Variants in RBFOX3 observed in about 807,000 individuals in gnomAD.
RBFOX3 encodes the protein RNA binding fox-1 homolog 3.
Under a neutral mutation model 48.7 loss-of-function variants are expected in RBFOX3, and 17 were observed. The observed-to-expected ratio is 0.35, with a 90% CI of 0.24 to 0.52. The LOEUF is 0.52. RBFOX3 is among the 20% of genes least tolerant of loss of function. The probability of loss-of-function intolerance (pLI) is 0.94; values close to 1 mark genes in which losing one functional copy is unlikely to be tolerated. For missense variants in RBFOX3, 382 were observed against 497.5 expected (o/e 0.77, Z 2.21); for synonymous variants, 212 against 209.5 (o/e 1.01, Z -0.10).
At position 79,362,043 on chromosome 17, in the gene RBFOX3, C is replaced by G. The variant is rs970111521; in HGVS notation, c.-174-54219G>C. 6.6e-6 allele frequency among the ~76,000 whole-genome samples: 1 copy of G among 152,178 alleles called. No homozygotes were observed. The highest frequency in any genetic ancestry group is 2.4e-5 in the African/African-American group (1 of 41,430). On this transcript the variant is annotated intron_variant, in intron 2 of 14. Coordinates refer to ENST00000693108, the MANE Select transcript of RBFOX3 (RefSeq NM_001350451.2). The surrounding 1 kb of genome is among the most constrained non-coding windows in gnomAD (Gnocchi z 4.2). ...GCTGCCTTGGACGAATGTTCCCTGCCTGCTGCGTATTTACTCAGTCATCAA... is the reference window on the plus strand; with the variant it reads ...GCTGCCTTGGACGAATGTTCCCTGCGTGCTGCGTATTTACTCAGTCATCAA...
At chr17:79,228,241 CCT>C (rs2060563427) in intron 4 of RBFOX3, among the ~76,000 whole-genome samples, 1 of 152,214 alleles carries the variant, frequency 6.6e-6, no homozygotes, top group East Asian at 1.9e-4. Flanking sequence ...CCGGCCTGTG[CCT>C]TGGCAAAGCT....
intron 1 of RBFOX3, among the ~76,000 whole-genome samples, chr17:79,588,594 C>T (rs2145014792): frequency 6.6e-6 from 1 of 152,330 alleles, no homozygotes; most frequent in African/African-American, 2.4e-5. Context: ...GTTTGCTTCC[C>T]TAAAAATGAA....
chr17:79,426,825 C>A (rs1555725809), intron 2 of RBFOX3, among the ~76,000 whole-genome samples: 3 of 152,304 alleles, frequency 2.0e-5, no homozygotes, highest in African/African-American at 4.8e-5. Context: ...CTGCCTCAGC[C>A]TCCCAAGTAG....
intron 1 of RBFOX3, among the ~76,000 whole-genome samples, chr17:79,590,990 A>T (rs2093399577): frequency 6.6e-6 from 1 of 152,164 alleles, no homozygotes; most frequent in Non-Finnish European, 1.5e-5. Flanking sequence ...GCACAAAAGA[A>T]GCCTGTGAGC....
intron 3 of RBFOX3, among the ~76,000 whole-genome samples, chr17:79,292,612 A>ACACACACACACACG (rs1567988425): frequency 0.015 from 1,051 of 68,770 alleles, 16 homozygotes; most frequent in African/African-American, 0.056. Context: ...ACACACACAC[A>ACACACACACACACG]CACATACATG....
intron 4 of RBFOX3, among the ~76,000 whole-genome samples, chr17:79,183,108 C>T (rs1021535119): frequency 2.0e-5 from 3 of 147,842 alleles, no homozygotes; most frequent in African/African-American, 7.3e-5. Flanking sequence ...GGGCGCAGTT[C>T]CCCCTACCCC....
At chr17:79,241,099 C>T (rs773332172) in intron 3 of RBFOX3, among the ~76,000 whole-genome samples, 5 of 152,192 alleles carry the variant, frequency 3.3e-5, no homozygotes, top group Non-Finnish European at 5.9e-5. Context: ...CCTTAGCCTC[C>T]CAAGTAGCTG....
rs543942974 is a variant in RBFOX3, at chr17:79,254,003, C to T, written c.-73-18198G>A. 6.6e-6 allele frequency among the ~76,000 whole-genome samples: 1 copy of T among 152,310 alleles called. No homozygotes were observed. Among genetic ancestry groups the T allele is most frequent in the East Asian group, 1.9e-4 (1 of 5,180 alleles). ...ACCTAAGCACTTTTCTCTTCCCCCA[C>T]GCAGCCTCTGAGGGCGGGTATGGGA... is the stretch of plus-strand genomic sequence containing the variant. On this transcript the variant is annotated intron_variant, in intron 3 of 14. Transcript: ENST00000693108. The surrounding 1 kb of genome is among the most constrained non-coding windows in gnomAD (Gnocchi z 4.8).
chr17:79,095,039 C>T (rs1315234291), intron 13 of RBFOX3, among the ~76,000 whole-genome samples: 2 of 152,022 alleles, frequency 1.3e-5, no homozygotes, highest in African/African-American at 4.8e-5. Flanking sequence ...AGCTGGGCCA[C>T]GGCACCCTGT....
chr17:79,530,010 T>A (rs2087466319), intron 1 of RBFOX3, among the ~76,000 whole-genome samples: 1 of 152,202 alleles, frequency 6.6e-6, no homozygotes, highest in South Asian at 2.1e-4. Context: ...AACCTGGCCC[T>A]TGACAGAAGA....
chr17:79,331,831 G>A (rs948289040), intron 2 of RBFOX3, among the ~76,000 whole-genome samples: 3 of 152,180 alleles, frequency 2.0e-5, no homozygotes, highest in Non-Finnish European at 2.9e-5. Context: ...CAGAATCCCA[G>A]TTTTCTTCGA....
chr17:79,338,230 C>T (rs1598311526), intron 2 of RBFOX3, among the ~76,000 whole-genome samples: 1 of 152,090 alleles, frequency 6.6e-6, no homozygotes, highest in African/African-American at 2.4e-5. Context: ...TGAGCCACCG[C>T]GCCTGGCCTT....
In RBFOX3 at chr17:79,212,702, TACC is replaced by T. The variant is rs1201402302; in HGVS notation, c.-34+23061_-34+23063del. Among the ~76,000 whole-genome samples, 1 of 152,168 alleles carries T rather than the reference TACC, an allele frequency of 6.6e-6. No homozygotes were observed. Among genetic ancestry groups the T allele is most frequent in the East Asian group, 1.9e-4 (1 of 5,182 alleles). Reference sequence around the variant, plus strand: ...CAAATGTCGCTGACAGTCCCCACACTACCACTTGTTTCCCCTTTTGTCCTAGAA... The same window carrying T: ...CAAATGTCGCTGACAGTCCCCACACTACTTGTTTCCCCTTTTGTCCTAGAA... On this transcript the variant is annotated intron_variant, in intron 4 of 14. Transcript: ENST00000693108. This position sits in a 1 kb window ranked among gnomAD's most constrained non-coding sequence, Gnocchi z 4.7.
Position 79,272,882 on chromosome 17 carries a change from C to G in RBFOX3, c.-74+34842G>C, listed in dbSNP as rs969329147. The stretch of plus-strand genomic sequence containing the variant: ...AAAGATTGTCTTCCCGATGTGCCAG[C>G]TGTGCCTGTCTGCTTGCCCCGTGTC... On this transcript the variant is annotated intron_variant, in intron 3 of 14. Transcript: ENST00000693108. 6.7e-4 allele frequency among the ~76,000 whole-genome samples: 101 copies of G among 150,674 alleles called. 1 individual carries two copies. The highest frequency in any genetic ancestry group is 6.0e-3 in the Admixed American group (91 of 15,088).
chr17:79,374,306 C>A (rs1011753158), intron 2 of RBFOX3, among the ~76,000 whole-genome samples: 4 of 152,170 alleles, frequency 2.6e-5, no homozygotes, highest in Admixed American at 2.6e-4. Flanking sequence ...GGACCACCAT[C>A]TCCCAGAGGG....
At chr17:79,271,604 C>T (rs970570014) in intron 3 of RBFOX3, among the ~76,000 whole-genome samples, 2 of 152,164 alleles carry the variant, frequency 1.3e-5, no homozygotes, top group African/African-American at 4.8e-5. Context: ...GTTCCTACCA[C>T]CAAGTCTTTC....
chr17:79,418,826 T>C lies in RBFOX3; in HGVS notation c.-175+63628A>G, dbSNP rs1555720495. Among the ~76,000 whole-genome samples, 1 of 152,136 alleles carries C rather than the reference T, an allele frequency of 6.6e-6. No individual in the cohort carries two copies. Among genetic ancestry groups the C allele is most frequent in the East Asian group, 1.9e-4 (1 of 5,172 alleles). On this transcript the variant is annotated intron_variant, in intron 2 of 14. Transcript: ENST00000693108. The surrounding 1 kb of genome is among the most constrained non-coding windows in gnomAD (Gnocchi z 5.0). ...AGACCCAGCCCCTTCCCATGCAGCC[T>C]GGTACCAGGCAGTAGGTTTGAGGAG...
At chr17:79,097,199 G>T in intron 11 of RBFOX3, 93 bp downstream of exon 11, 1 of 1,079,468 alleles carries the variant, frequency 9.3e-7, no homozygotes, top group Non-Finnish European at 1.3e-6. Context: ...TGGAAAGGCT[G>T]CCTAGCCCCT....
At position 79,329,922 on chromosome 17, in the gene RBFOX3, C is replaced by T. The variant is rs979450324; in HGVS notation, c.-174-22098G>A. Among the ~76,000 whole-genome samples the T allele has an allele frequency of 8.5e-5, 13 of 152,206 alleles. 1 individual carries two copies. Among genetic ancestry groups the T allele is most frequent in the Admixed American group, 8.5e-4 (13 of 15,280 alleles). Reference sequence around the variant, plus strand: ...TTCAGCCCTGACCTCTCGTGCTGATCTGTCCAGAGTGGAAGAAATCACTCA... The same window carrying T: ...TTCAGCCCTGACCTCTCGTGCTGATTTGTCCAGAGTGGAAGAAATCACTCA... On this transcript the variant is annotated intron_variant, in intron 2 of 14. Transcript: ENST00000693108.
Sources: gnomAD v4.1 joint callset for allele counts (sites outside exome capture counted in the v4.1 genomes callset) on GRCh38, gnomAD v4.1.1 for gene constraint, Gnocchi (gnomAD v3.1) non-coding constraint, MANE v1.5 for transcripts, NCBI Gene and HGNC (gene_info 2026-07-23, HGNC 2026-07-21) for gene names.